Variants in MAP2K2 observed in about 807,000 individuals in gnomAD.
The protein encoded by MAP2K2 is dual specificity mitogen-activated protein kinase kinase 2.
A neutral mutation model predicts 43.7 loss-of-function variants in MAP2K2; 24 were observed. The observed-to-expected ratio is 0.55, with a 90% confidence interval of 0.40 to 0.77. The LOEUF is 0.77. MAP2K2 is among the 30% of genes least tolerant of loss of function. The pLI is 0.00. For synonymous variants in MAP2K2, 244 were observed against 239.7 expected, an observed-to-expected ratio of 1.02 and a Z score of -0.17; for missense variants, 470 against 566.8, an observed-to-expected ratio of 0.83 and a Z score of 1.73.
chr19:4,090,734 A>G (rs1296183876), intron 10 of MAP2K2, 26 bp from the exon 11 acceptor site: 3 of 1,493,766 alleles, frequency 2.0e-6, no homozygotes, highest in Non-Finnish European at 2.7e-6. Context: ...AGCCGTGAGC[A>G]CCCGGGCCTG....
At chr19:4,107,385 G>A (rs2041096627) in intron 3 of MAP2K2, among the ~76,000 whole-genome samples, 1 of 151,666 alleles carries the variant, frequency 6.6e-6, no homozygotes, top group African/African-American at 2.4e-5. Flanking sequence ...TTAGCCGGCT[G>A]TGGTGGCGGG....
At chr19:4,110,077 G>A (rs765722739) in intron 3 of MAP2K2, among the ~76,000 whole-genome samples, 1 of 152,146 alleles carries the variant, frequency 6.6e-6, no homozygotes, top group Non-Finnish European at 1.5e-5. Context: ...GTCGAGGCAG[G>A]TGGATCACCT....
chr19:4,092,548 C>A (rs2040864359), intron 10 of MAP2K2, among the ~76,000 whole-genome samples: 1 of 152,078 alleles, frequency 6.6e-6, no homozygotes, highest in Admixed American at 6.5e-5. Flanking sequence ...GAGATTGCGC[C>A]ACTGCACTCC....
chr19:4,123,009 C>T (rs539213744), intron 1 of MAP2K2, among the ~76,000 whole-genome samples: 1 of 150,858 alleles, frequency 6.6e-6, no homozygotes, highest in South Asian at 2.1e-4. Flanking sequence ...GACCTCCCCA[C>T]ACCCCATCCT....
At position 4,101,928 on chromosome 19, in the gene MAP2K2, C is replaced by T. The variant is rs532457182; in HGVS notation, c.528+448G>A. 4.2e-4 allele frequency among the ~76,000 whole-genome samples: 64 copies of T among 152,266 alleles called. No homozygotes were observed. The highest frequency in any genetic ancestry group is 9.8e-4 in the Admixed American group (15 of 15,284). On this transcript the variant is annotated intron_variant, in intron 4 of 10. Transcript: ENST00000262948. The surrounding 1 kb of genome is among the most constrained non-coding windows in gnomAD (Gnocchi z 6.3). The stretch of plus-strand genomic sequence containing the variant: ...GGTCTGCTGAAACCACACGGCTCTA[C>T]GGAGCAGCTGTGCTGGAGACCGGGC...
intron 10 of MAP2K2, among the ~76,000 whole-genome samples, chr19:4,092,481 C>T (rs1014682892): frequency 9.2e-5 from 14 of 151,718 alleles, no homozygotes; most frequent in African/African-American, 3.1e-4. Flanking sequence ...CCCAGCTACT[C>T]GAGAGGCTGA....
intron 7 of MAP2K2, among the ~76,000 whole-genome samples, chr19:4,098,179 C>T (rs1281742898): frequency 6.6e-6 from 1 of 152,186 alleles, no homozygotes; most frequent in Non-Finnish European, 1.5e-5. Context: ...CACTGCGCTC[C>T]AGGAGAGAAG....
rs557657634 is a variant in MAP2K2, at chr19:4,103,078, C to A, written c.451-625G>T. ...GCCACCTAGGGCAGAAAGGCCAGGCCGAGTAGGACCAGGGGCCAGGGGGTG... is the reference window on the plus strand; with the variant it reads ...GCCACCTAGGGCAGAAAGGCCAGGCAGAGTAGGACCAGGGGCCAGGGGGTG... On this transcript the variant is annotated intron_variant, in intron 3 of 10. Transcript: ENST00000262948. 9 of 1,014,466 alleles carry A rather than the reference C, an allele frequency of 8.9e-6. No individual in the cohort carries two copies. In the Admixed American group the frequency reaches 1.6e-4, roughly 18 times the overall value. 62.8% of individuals were successfully genotyped at this position (1,014,466 alleles called of 1,614,324 possible). A position where few individuals can be genotyped will look rare whatever the true frequency, so the allele number is the denominator to read the frequency against.
chr19:4,103,195 C>T (rs535182011), intron 3 of MAP2K2: 183 of 987,840 alleles, frequency 1.9e-4, no homozygotes, highest in African/African-American at 2.4e-4. Flanking sequence ...GCCACTGTGC[C>T]GGGCATCCTG....
chr19:4,090,782 G>A (rs1443831717), intron 10 of MAP2K2, 74 bp from the exon 11 acceptor site: 91 of 996,180 alleles, frequency 9.1e-5, no homozygotes, highest in Non-Finnish European at 1.0e-4. Flanking sequence ...CGTCTGCCCA[G>A]CCCTGGCAGA....
chr19:4,109,131 G>A (rs910399299), intron 3 of MAP2K2, among the ~76,000 whole-genome samples: 28 of 152,330 alleles, frequency 1.8e-4, no homozygotes, highest in African/African-American at 5.5e-4. Flanking sequence ...AAGCATTCTG[G>A]TTTTGCAAAC....
At chr19:4,113,818 C>G (rs1326054930) in intron 2 of MAP2K2, among the ~76,000 whole-genome samples, 1 of 152,080 alleles carries the variant, frequency 6.6e-6, no homozygotes, top group African/African-American at 2.4e-5. Flanking sequence ...TGAGTGTCAG[C>G]GAGAGCAGGA....
rs1192446187 is a variant in MAP2K2, at chr19:4,115,003, A to T, written c.303+2416T>A. 6.6e-6 allele frequency among the ~76,000 whole-genome samples: 1 copy of T among 152,238 alleles called. No individual in the cohort carries two copies. The highest frequency in any genetic ancestry group is 1.9e-4 in the East Asian group (1 of 5,202). On this transcript the variant is annotated intron_variant, in intron 2 of 10. Coordinates refer to ENST00000262948, the MANE Select transcript of MAP2K2 (RefSeq NM_030662.4). This position sits in a 1 kb window ranked among gnomAD's most constrained non-coding sequence, Gnocchi z 4.1. ...GGAGCCCTTGCAGCCCTACCTGCAT[A>T]GCAGCCAGAGCCGCTGAGCCCACGA...
chr19:4,121,006 T>G (rs1028106976), intron 1 of MAP2K2, among the ~76,000 whole-genome samples: 23 of 152,182 alleles, frequency 1.5e-4, no homozygotes, highest in East Asian at 1.9e-4. Flanking sequence ...CACCTGGTTC[T>G]TGAGGGGTCA....
At position 4,101,547 on chromosome 19, in the gene MAP2K2, A is replaced by C. The variant is rs896376004; in HGVS notation, c.529-267T>G. Among the ~76,000 whole-genome samples, 1 of 152,052 alleles carries C rather than the reference A, an allele frequency of 6.6e-6. No homozygotes were observed. The highest frequency in any genetic ancestry group is 2.4e-5 in the African/African-American group (1 of 41,398). The stretch of plus-strand genomic sequence containing the variant: ...CACTACTGCCTTTGATTCAGAGCAC[A>C]CGGCTTAGCCCCAGGGAAGCTGAGA... On this transcript the variant is annotated intron_variant, in intron 4 of 10. Transcript: ENST00000262948. The surrounding 1 kb of genome is among the most constrained non-coding windows in gnomAD (Gnocchi z 6.3).
rs1481122612 is a variant in MAP2K2, at chr19:4,100,877, CAGG to C, written c.705+139_705+141del. ...CTCGTGGGAGGCGGGGAGAGCTGCG[CAGG>C]AGAACTGGGAGGGACAGCTGCGCAG... On this transcript the variant is annotated intron_variant, in intron 6 of 10. Transcript: ENST00000262948. The C allele has an allele frequency of 4.1e-6, 4 of 967,776 alleles. No individual in the cohort carries two copies. In the East Asian group the frequency reaches 7.9e-5, roughly 19 times the overall value. The allele number at this position is 967,776 out of a possible 1,614,324, so 59.9% of individuals were successfully genotyped here. A position where few individuals can be genotyped will look rare whatever the true frequency, so the allele number is the denominator to read the frequency against.
At chr19:4,108,185 C>T (rs2041110537) in intron 3 of MAP2K2, among the ~76,000 whole-genome samples, 1 of 152,220 alleles carries the variant, frequency 6.6e-6, no homozygotes, top group Non-Finnish European at 1.5e-5. Context: ...TCCACGGATG[C>T]TGCCCTGTCA....
At chr19:4,094,318 G>A in intron 10 of MAP2K2, 135 bp downstream of exon 10, 6 of 937,356 alleles carry the variant, frequency 6.4e-6, no homozygotes, top group Non-Finnish European at 1.0e-5. Context: ...GGCGTGGCCT[G>A]GCACACCCGG....
At chr19:4,118,873 T>C (rs12459940) in intron 1 of MAP2K2, among the ~76,000 whole-genome samples, 55,590 of 152,192 alleles carry the variant, frequency 0.37, 10,623 homozygotes, top group African/African-American at 0.45. Context: ...ATTTCGACAG[T>C]AAGCTATTTT....
Sources: allele counts gnomAD v4.1 joint callset (sites outside exome capture counted in the v4.1 genomes callset), GRCh38; gene constraint gnomAD v4.1.1; non-coding constraint Gnocchi (gnomAD v3.1); transcripts MANE v1.5; gene names NCBI Gene and HGNC (gene_info 2026-07-23, HGNC 2026-07-21).